DCAF12: variants seen among roughly 807,000 people sequenced by gnomAD.
DCAF12 encodes the protein DDB1- and CUL4-associated factor 12.
In DCAF12, 28 loss-of-function variants were observed where a neutral mutation model predicts 52.8. That is an observed-to-expected ratio of 0.53 (90% confidence interval 0.39 to 0.73). The LOEUF (loss-of-function observed/expected upper bound fraction) is 0.73, where lower values mean the gene tolerates loss of function less well. DCAF12 is among the 30% of genes least tolerant of loss of function. The pLI, the probability that DCAF12 is intolerant of heterozygous loss-of-function variation, is 0.00. For missense variants in DCAF12, 425 were observed against 552.2 expected (o/e 0.77, Z 2.31); for synonymous variants, 196 against 215.5 (o/e 0.91, Z 0.79).
chr9:34,117,325 T>C (rs1829103815), intron 2 of DCAF12, among the ~76,000 whole-genome samples: 1 of 151,598 alleles, frequency 6.6e-6, no homozygotes, highest in South Asian at 2.1e-4. Context: ...TAATTTTTTG[T>C]ATTTTTAGTA....
chr9:34,094,608 G>T (rs1238299696), intron 6 of DCAF12, among the ~76,000 whole-genome samples: 1 of 147,822 alleles, frequency 6.8e-6, no homozygotes, highest in Non-Finnish European at 1.5e-5. Flanking sequence ...TCAGCTCACT[G>T]CAAGCTCCAC....
chr9:34,102,252 C>T (rs1828840088), intron 4 of DCAF12, among the ~76,000 whole-genome samples: 1 of 150,530 alleles, frequency 6.6e-6, no homozygotes. Context: ...ATCACACCAA[C>T]AGTCTGGGCA....
At chr9:34,110,421 T>C (rs1489047970) in intron 2 of DCAF12, among the ~76,000 whole-genome samples, 1 of 152,148 alleles carries the variant, frequency 6.6e-6, no homozygotes, top group African/African-American at 2.4e-5. Context: ...CACTCATCAC[T>C]TCTCCTTGGA....
chr9:34,116,127 G>A (rs1352893865), intron 2 of DCAF12, among the ~76,000 whole-genome samples: 4 of 151,930 alleles, frequency 2.6e-5, no homozygotes, highest in African/African-American at 9.7e-5. Flanking sequence ...ACTTTGGGAG[G>A]TGGGCAGATC....
chr9:34,125,539 A>T, intron 1 of DCAF12: 1 of 585,418 alleles, frequency 1.7e-6, no homozygotes, highest in Non-Finnish European at 3.3e-6. Context: ...GAACAGACTA[A>T]AAGGTTTACT....
chr9:34,097,333 C>T (rs1306977192), intron 5 of DCAF12, among the ~76,000 whole-genome samples: 1 of 143,830 alleles, frequency 7.0e-6, no homozygotes, highest in Non-Finnish European at 1.5e-5. Flanking sequence ...GCAATTTCGG[C>T]TCACTGCCAA....
intron 4 of DCAF12, among the ~76,000 whole-genome samples, chr9:34,103,445 T>TA (rs1564097361): frequency 2.6e-5 from 4 of 151,984 alleles, no homozygotes; most frequent in Admixed American, 1.3e-4. Flanking sequence ...TAAGTTTATA[T>TA]TCCCATTCAG....
At chr9:34,116,556 T>G (rs1032386289) in intron 2 of DCAF12, among the ~76,000 whole-genome samples, 21 of 152,036 alleles carry the variant, frequency 1.4e-4, no homozygotes, top group Non-Finnish European at 7.4e-5. Flanking sequence ...GTACCTGTAG[T>G]CCCAGCTACT....
intron 2 of DCAF12, among the ~76,000 whole-genome samples, chr9:34,117,783 G>A (rs1352767764): frequency 2.6e-5 from 4 of 151,938 alleles, no homozygotes; most frequent in Non-Finnish European, 4.4e-5. Context: ...GTGTGGTGGC[G>A]CATGCCTGTA....
intron 7 of DCAF12, 182 bp from the exon 8 acceptor site, chr9:34,089,772 C>T (rs572534342): frequency 1.3e-5 from 7 of 525,438 alleles, no homozygotes; most frequent in Non-Finnish European, 2.3e-5. Flanking sequence ...AAAGAGAATC[C>T]TGATGCCATC....
At chr9:34,089,908 C>G (rs1363356598) in intron 7 of DCAF12, 2 of 237,290 alleles carry the variant, frequency 8.4e-6, no homozygotes, top group East Asian at 1.8e-4. Flanking sequence ...TTCCTCTCAA[C>G]TCACTCTGGG....
rs187866130 is a variant in DCAF12, at chr9:34,088,181, T to C, written c.*169A>G. 452 of 583,596 alleles carry C rather than the reference T, an allele frequency of 7.7e-4. 2 individuals are homozygous for C. Among genetic ancestry groups the C allele is most frequent in the African/African-American group, 7.2e-3 (374 of 52,194 alleles). The allele number at this position is 583,596 out of a possible 1,614,324, so 36.2% of individuals were successfully genotyped here. ...GGGAAAACAAAAAGCAAAACAACTT[T>C]CAGATTTCTGTACAGAGCTTCTTCC... On this transcript the variant is annotated 3_prime_UTR_variant, in exon 9 of 9. Coordinates refer to ENST00000361264, the MANE Select transcript of DCAF12 (RefSeq NM_015397.4).
chr9:34,113,495 G>A (rs1357621245), intron 2 of DCAF12, among the ~76,000 whole-genome samples: 2 of 151,628 alleles, frequency 1.3e-5, no homozygotes, highest in African/African-American at 4.8e-5. Flanking sequence ...GCACACCACT[G>A]TGCCCAGCTA....
chr9:34,096,591 G>GA, intron 6 of DCAF12, 125 bp downstream of exon 6: 2 of 890,130 alleles, frequency 2.2e-6, no homozygotes. Flanking sequence ...GCATCAGAGC[G>GA]AGACTCTGCC....
At chr9:34,125,481 C>T in intron 1 of DCAF12, 1 of 652,938 alleles carries the variant, frequency 1.5e-6, no homozygotes. Context: ...GTCAAACTTA[C>T]CAATGTGAAT....
Position 34,125,115 on chromosome 9 carries a change from C to A in DCAF12, c.241G>T (p.Glu81Ter). 1.9e-6 allele frequency: 3 copies of A among 1,614,144 alleles called. No individual in the cohort carries two copies. Among genetic ancestry groups the A allele is most frequent in the Non-Finnish European group, 2.5e-6 (3 of 1,180,028 alleles). Residue 81 changes from glutamate (E) to a stop codon, truncating the protein, a stop_gained, in exon 2 of 9, where the codon GAG becomes TAG. Transcript: ENST00000361264. LOFTEE classifies it high-confidence loss of function. ...AGGGTCCCAAGGTGAAACTCTCTCT[C>A]CTTCAGGAGACTGGGAAGTTGCTGT... ...AAQQLPSLLK[E>*]REFHLGTLNK...
intron 1 of DCAF12, chr9:34,125,573 G>A (rs1587744631): frequency 1.9e-6 from 1 of 514,052 alleles, no homozygotes; most frequent in Non-Finnish European, 3.9e-6. Flanking sequence ...GTGAAAGATT[G>A]AAGGAAATGA....
At chr9:34,093,598 C>A in intron 6 of DCAF12, 150 bp from the exon 7 acceptor site, 1 of 767,606 alleles carries the variant, frequency 1.3e-6, no homozygotes, top group East Asian at 2.7e-5. Context: ...TGTTCCACCC[C>A]TAGGTATACA....
chr9:34,103,438 G>A (rs955043658), intron 4 of DCAF12, among the ~76,000 whole-genome samples: 2 of 151,446 alleles, frequency 1.3e-5, no homozygotes, highest in African/African-American at 2.4e-5. Context: ...TAAAAAGTAA[G>A]TTTATATTCC....
Sources: gnomAD v4.1 joint callset for allele counts (sites outside exome capture counted in the v4.1 genomes callset) on GRCh38, gnomAD v4.1.1 for gene constraint, MANE v1.5 for transcripts, NCBI Gene and HGNC (gene_info 2026-07-23, HGNC 2026-07-21) for gene names.